Variants in AGTPBP1 observed in about 807,000 individuals in gnomAD.
The protein encoded by AGTPBP1 is cytosolic carboxypeptidase 1.
Under a neutral mutation model 143.9 loss-of-function variants are expected in AGTPBP1, and 70 were observed. That is an observed-to-expected ratio of 0.49 (90% confidence interval 0.40 to 0.59). The LOEUF (loss-of-function observed/expected upper bound fraction) is 0.59, where lower values mean the gene tolerates loss of function less well. AGTPBP1 is among the 20% of genes least tolerant of loss of function. AGTPBP1 has a pLI of 0.00. For missense variants in AGTPBP1, 1,229 were observed against 1,464.5 expected (o/e 0.84, Z 2.62); for synonymous variants, 463 against 500.2 (o/e 0.93, Z 0.99).
intron 21 of AGTPBP1, among the ~76,000 whole-genome samples, chr9:85,587,963 T>A (rs979034311): frequency 6.6e-6 from 1 of 151,636 alleles, no homozygotes; most frequent in Admixed American, 6.6e-5. Context: ...AAAAAAAAAA[T>A]AAAGGAATAT....
intron 3 of AGTPBP1, 134 bp downstream of exon 3, chr9:85,692,555 T>A: frequency 9.2e-7 from 1 of 1,084,796 alleles, no homozygotes; most frequent in South Asian, 1.6e-5. Context: ...ATTACAGGTG[T>A]GAGCCACCAC....
At position 85,657,520 on chromosome 9, in the gene AGTPBP1, C is replaced by G. The variant is rs1396250020; in HGVS notation, c.824G>C (p.Ser275Thr). ...NMLIRKGILQ[S>T]LKSVTNIKLG... ...CTTGATGTTTGTAACACTTTTTAAA[C>G]TCTGTAAAATTCCTTTCCGAATGAG... Residue 275 changes from serine (S) to threonine (T), a missense_variant, in exon 10 of 26, where the codon AGT becomes ACT. Physicochemically the swap from Ser to Thr is moderately conservative, Grantham distance 58. Around this residue, in one of 2 missense-constraint regions of AGTPBP1, gnomAD observed 743 missense variants for 812.2 expected, o/e 0.91. Transcript: ENST00000357081. 2.5e-6 allele frequency: 4 copies of G among 1,613,766 alleles called. No homozygotes were observed. The highest frequency in any genetic ancestry group is 3.3e-5 in the Admixed American group (2 of 59,988).
intron 11 of AGTPBP1, among the ~76,000 whole-genome samples, chr9:85,648,552 C>A (rs369833872): frequency 6.6e-6 from 1 of 152,164 alleles, no homozygotes; most frequent in South Asian, 2.1e-4. Context: ...GTGGTTCACA[C>A]CTGTAATCCC....
Position 85,620,153 on chromosome 9 carries a change from G to A in AGTPBP1, c.2100-852C>T, listed in dbSNP as rs568033665. 2.0e-5 allele frequency among the ~76,000 whole-genome samples: 3 copies of A among 152,200 alleles called. No individual in the cohort carries two copies. The East Asian group carries it at 5.8e-4, about 29-fold the overall frequency. On this transcript the variant is annotated intron_variant, in intron 15 of 25. Coordinates refer to ENST00000357081, the MANE Select transcript of AGTPBP1 (RefSeq NM_001330701.2). ...TAGCCAGGCACGGTGGGTCACACTTGTAATCCCGGTACTTTGAGAGGCCGA... is the reference window on the plus strand; with the variant it reads ...TAGCCAGGCACGGTGGGTCACACTTATAATCCCGGTACTTTGAGAGGCCGA...
intron 2 of AGTPBP1, among the ~76,000 whole-genome samples, chr9:85,703,518 T>A (rs1033607429): frequency 6.6e-6 from 1 of 152,228 alleles, no homozygotes; most frequent in Non-Finnish European, 1.5e-5. Flanking sequence ...GTAGCCTGGA[T>A]GAAGAATGCT....
chr9:85,773,631 C>G, the AGTPBP1 span, among the ~76,000 whole-genome samples: 1 of 151,962 alleles, frequency 6.6e-6, no homozygotes, highest in East Asian at 1.9e-4. Context: ...AGCCACCGTG[C>G]CTGGCCTGAA....
In AGTPBP1 at chr9:85,719,249, C is replaced by T. The variant is rs149142148; in HGVS notation, c.-33-6683G>A. Among the ~76,000 whole-genome samples the T allele has an allele frequency of 9.8e-3, 1,485 of 151,722 alleles. 13 individuals are homozygous for T. The highest frequency in any genetic ancestry group is 0.034 in the African/African-American group (1,423 of 41,406). On this transcript the variant is annotated intron_variant, in intron 1 of 25. Transcript: ENST00000357081. ...GGGATGGCACTGAATCTATAAATTA[C>T]CTTGGGCAGTATGGCCATTTTCACA...
intron 7 of AGTPBP1, among the ~76,000 whole-genome samples, chr9:85,670,376 G>A (rs1834409357): frequency 6.6e-6 from 1 of 152,162 alleles, no homozygotes; most frequent in Non-Finnish European, 1.5e-5. Flanking sequence ...AGAATTCAAA[G>A]AACTCTGAGG....
chr9:85,567,067 TGA>T (rs914579414), intron 25 of AGTPBP1, among the ~76,000 whole-genome samples: 2 of 152,142 alleles, frequency 1.3e-5, no homozygotes, highest in African/African-American at 4.8e-5. Flanking sequence ...GCTGGAGCCC[TGA>T]GAGGGCCAGG....
the AGTPBP1 span, among the ~76,000 whole-genome samples, chr9:85,803,888 A>G: frequency 6.6e-6 from 1 of 152,176 alleles, no homozygotes; most frequent in South Asian, 2.1e-4. Context: ...GCAATTATCT[A>G]GAAACTCAAA....
intron 2 of AGTPBP1, among the ~76,000 whole-genome samples, chr9:85,709,802 G>A (rs1000417713): frequency 1.3e-5 from 2 of 152,016 alleles, no homozygotes; most frequent in Non-Finnish European, 2.9e-5. Context: ...TAAGATTTAG[G>A]GCATGACCAT....
At chr9:85,588,130 T>G (rs1828730391) in intron 21 of AGTPBP1, among the ~76,000 whole-genome samples, 168 bp downstream of exon 21, 2 of 152,052 alleles carry the variant, frequency 1.3e-5, no homozygotes, top group Admixed American at 1.3e-4. Flanking sequence ...TCGCTAATAG[T>G]ATCCAAAATG....
At chr9:85,758,086 T>C in the AGTPBP1 span, among the ~76,000 whole-genome samples, 1 of 152,046 alleles carries the variant, frequency 6.6e-6, no homozygotes, top group East Asian at 1.9e-4. Context: ...CCCACTTAAA[T>C]AAGTGGCCCA....
the AGTPBP1 span, among the ~76,000 whole-genome samples, chr9:85,778,391 A>C: frequency 2.0e-5 from 3 of 152,312 alleles, no homozygotes; most frequent in African/African-American, 7.2e-5. Context: ...AAAATCCTAG[A>C]GGCCTCCACT....
chr9:85,638,348 T>C (rs1490622717), intron 13 of AGTPBP1, among the ~76,000 whole-genome samples: 1 of 151,924 alleles, frequency 6.6e-6, no homozygotes, highest in Non-Finnish European at 1.5e-5. Flanking sequence ...CTCAAAAAAG[T>C]TGATTAAAAT....
chr9:85,589,959 C>T (rs752881641), intron 19 of AGTPBP1, among the ~76,000 whole-genome samples: 1 of 152,122 alleles, frequency 6.6e-6, no homozygotes, highest in Non-Finnish European at 1.5e-5. Context: ...TATGAAGAAT[C>T]ACCCTAAGTA....
intron 11 of AGTPBP1, among the ~76,000 whole-genome samples, chr9:85,648,035 A>G (rs945580624): frequency 6.6e-6 from 1 of 152,166 alleles, no homozygotes; most frequent in Non-Finnish European, 1.5e-5. Context: ...GAAAAGAAAA[A>G]AATTCCATGT....
At position 85,633,560 on chromosome 9, in the gene AGTPBP1, A is replaced by G. The variant is rs78277328; in HGVS notation, c.1303-186T>C. Among the ~76,000 whole-genome samples, 420 of 152,326 alleles carry G rather than the reference A, an allele frequency of 2.8e-3. 14 individuals are homozygous for G. The East Asian group carries it at 0.074, about 27-fold the overall frequency. ...AACCACAACAAAATTCATAACAACT[A>G]CTTTACTTTGCCTACATGTCACAGA... On this transcript the variant is annotated intron_variant, in intron 13 of 25. Coordinates refer to ENST00000357081, the MANE Select transcript of AGTPBP1 (RefSeq NM_001330701.2).
intron 24 of AGTPBP1, 58 bp downstream of exon 24, chr9:85,578,862 T>C: frequency 6.5e-7 from 1 of 1,540,818 alleles, no homozygotes. Flanking sequence ...CCACAAGATA[T>C]ATATGAAAGG....
Sources: allele counts gnomAD v4.1 joint callset (sites outside exome capture counted in the v4.1 genomes callset), GRCh38; gene constraint gnomAD v4.1.1; regional missense constraint gnomAD v4.1.1; transcripts MANE v1.5; gene names NCBI Gene and HGNC (gene_info 2026-07-23, HGNC 2026-07-21).